Variants in ZMAT4 observed in about 807,000 individuals in gnomAD.
ZMAT4 encodes the protein zinc finger matrin-type protein 4.
Under a neutral mutation model 28.7 loss-of-function variants are expected in ZMAT4, and 17 were observed. The observed-to-expected ratio is 0.59, with a 90% CI of 0.41 to 0.89. The LOEUF (loss-of-function observed/expected upper bound fraction) is 0.89. ZMAT4 is among the 40% of genes least tolerant of loss of function. The probability of loss-of-function intolerance (pLI) is 0.00; values close to 1 mark genes in which losing one functional copy is unlikely to be tolerated. For missense variants in ZMAT4, 240 were observed against 283.8 expected, an observed-to-expected ratio of 0.85 and a Z score of 1.11; for synonymous variants, 117 against 109.2, an observed-to-expected ratio of 1.07 and a Z score of -0.44.
chr8:40,639,625 AACAC>A (rs60100252), intron 5 of ZMAT4, among the ~76,000 whole-genome samples: 73,940 of 149,806 alleles, frequency 0.49, 18,872 homozygotes, highest in Non-Finnish European at 0.58. Flanking sequence ...AGAAGGCAAG[AACAC>A]ACACACACAC....
intron 2 of ZMAT4, among the ~76,000 whole-genome samples, chr8:40,775,109 A>C (rs748342385): frequency 5.3e-5 from 8 of 152,222 alleles, no homozygotes; most frequent in South Asian, 2.1e-4. Flanking sequence ...AATGCCTGAC[A>C]CATGGCCGGT....
intron 2 of ZMAT4, among the ~76,000 whole-genome samples, chr8:40,815,377 G>A (rs1232170828): frequency 2.0e-5 from 3 of 152,208 alleles, no homozygotes; most frequent in South Asian, 4.1e-4. Flanking sequence ...GTTGCTGGAT[G>A]TGACCATGAA....
At chr8:40,808,765 T>A (rs1165530464) in intron 2 of ZMAT4, among the ~76,000 whole-genome samples, 2 of 151,076 alleles carry the variant, frequency 1.3e-5, no homozygotes, top group African/African-American at 4.9e-5. Context: ...AGAGAAAATC[T>A]CCAATAAGAT....
At chr8:40,853,147 T>C (rs1817171574) in intron 1 of ZMAT4, among the ~76,000 whole-genome samples, 1 of 152,252 alleles carries the variant, frequency 6.6e-6, no homozygotes, top group Non-Finnish European at 1.5e-5. Context: ...ATTAAGTGTT[T>C]TCCCCAAGAC....
chr8:40,648,148 C>T (rs1807437174), intron 5 of ZMAT4, among the ~76,000 whole-genome samples: 1 of 152,084 alleles, frequency 6.6e-6, no homozygotes, highest in African/African-American at 2.4e-5. Flanking sequence ...GACATTCAAA[C>T]CAAAGGCAAA....
At chr8:40,889,064 G>C (rs778139024) in intron 1 of ZMAT4, among the ~76,000 whole-genome samples, 53 of 152,196 alleles carry the variant, frequency 3.5e-4, no homozygotes, top group Non-Finnish European at 6.6e-4. Context: ...CCCTGACCAA[G>C]ACAGCCTTTT....
chr8:40,682,049 T>C (rs1007502402), intron 4 of ZMAT4, among the ~76,000 whole-genome samples: 1 of 152,142 alleles, frequency 6.6e-6, no homozygotes, highest in Non-Finnish European at 1.5e-5. Flanking sequence ...TATATATATG[T>C]ATAAAACAAT....
chr8:40,615,332 G>A (rs1383287748), intron 5 of ZMAT4, among the ~76,000 whole-genome samples: 2 of 152,154 alleles, frequency 1.3e-5, no homozygotes, highest in Admixed American at 6.5e-5. Flanking sequence ...TGAGTAACCC[G>A]ACCTTTCTCT....
At chr8:40,888,323 C>T (rs1586229317) in intron 1 of ZMAT4, among the ~76,000 whole-genome samples, 2 of 152,208 alleles carry the variant, frequency 1.3e-5, no homozygotes, top group African/African-American at 4.8e-5. Flanking sequence ...AGGAGAGTGG[C>T]TTTGCCTTTC....
At chr8:40,738,387 T>A (rs1811865206) in intron 3 of ZMAT4, among the ~76,000 whole-genome samples, 3 of 151,670 alleles carry the variant, frequency 2.0e-5, no homozygotes, top group Admixed American at 2.0e-4. Context: ...CCATGGGAGG[T>A]GAAAGTTGTG....
intron 2 of ZMAT4, among the ~76,000 whole-genome samples, chr8:40,778,467 G>A (rs138862081): frequency 1.6e-3 from 249 of 152,284 alleles, no homozygotes; most frequent in African/African-American, 5.8e-3. Flanking sequence ...TGGAAGTGGG[G>A]CAGGGATGAA....
intron 3 of ZMAT4, among the ~76,000 whole-genome samples, chr8:40,761,603 T>A (rs1325092611): frequency 2.6e-5 from 4 of 152,252 alleles, no homozygotes; most frequent in Non-Finnish European, 5.9e-5. Context: ...AATTGCTTTC[T>A]GTATGACTTT....
intron 3 of ZMAT4, among the ~76,000 whole-genome samples, chr8:40,734,995 C>T (rs56815254): frequency 0.23 from 35,432 of 152,092 alleles, 4,688 homozygotes; most frequent in East Asian, 0.56. Flanking sequence ...GTTGTGGGAA[C>T]GCCTATGTCT....
chr8:40,770,146 G>A (rs938250428), intron 2 of ZMAT4, among the ~76,000 whole-genome samples: 2 of 152,078 alleles, frequency 1.3e-5, no homozygotes, highest in Admixed American at 1.3e-4. Context: ...TGGAATGATG[G>A]CGGAGGCATC....
chr8:40,626,712 T>TA (rs1324271457), intron 5 of ZMAT4, among the ~76,000 whole-genome samples: 1 of 152,138 alleles, frequency 6.6e-6, no homozygotes, highest in African/African-American at 2.4e-5. Context: ...TGTGACCAAA[T>TA]AAAAATGTCC....
chr8:40,821,471 A>T (rs1195201884), intron 2 of ZMAT4, among the ~76,000 whole-genome samples: 1 of 151,692 alleles, frequency 6.6e-6, no homozygotes, highest in Non-Finnish European at 1.5e-5. Context: ...TATGTTCCCT[A>T]TTTTTTTTCA....
chr8:40,752,545 ACT>A (rs2150547595), intron 3 of ZMAT4, among the ~76,000 whole-genome samples: 1 of 151,794 alleles, frequency 6.6e-6, no homozygotes, highest in South Asian at 2.1e-4. Flanking sequence ...AGGTCCTCCC[ACT>A]CTCTGCAGTC....
intron 3 of ZMAT4, among the ~76,000 whole-genome samples, chr8:40,717,423 G>A (rs1395813423): frequency 6.6e-6 from 1 of 152,204 alleles, no homozygotes; most frequent in Non-Finnish European, 1.5e-5. Flanking sequence ...GGGAGGTCCA[G>A]GCAGGAGGAT....
At chr8:40,581,397 CT>C (rs1180046601) in intron 5 of ZMAT4, 136 bp from the exon 6 acceptor site, 1 of 610,518 alleles carries the variant, frequency 1.6e-6, no homozygotes, top group Non-Finnish European at 2.9e-6. Context: ...TCAACCCTTC[CT>C]TGCAGAGCAC....
Sources: gnomAD v4.1 joint callset for allele counts (sites outside exome capture counted in the v4.1 genomes callset) on GRCh38, gnomAD v4.1.1 for gene constraint, MANE v1.5 for transcripts, NCBI Gene and HGNC (gene_info 2026-07-23, HGNC 2026-07-21) for gene names.